The following ZNF91 variants were observed in gnomAD, a reference collection of about 807,000 sequenced individuals.
ZNF91 encodes zinc finger protein 91 (HPF7, HTF10).
A neutral mutation model predicts 12.6 loss-of-function variants in ZNF91; 7 were observed. The ratio of observed to expected loss-of-function variants is 0.55; its 90% CI spans 0.31 to 1.04. ZNF91 has a LOEUF of 1.04. Ranked by LOEUF, ZNF91 falls within the 50% of genes least tolerant of loss-of-function variation. ZNF91 has a pLI of 0.05. For missense variants in ZNF91, 1,217 were observed against 1,385.4 expected, an observed-to-expected ratio of 0.88 and a Z score of 1.93; for synonymous variants, 453 against 462.6, an observed-to-expected ratio of 0.98 and a Z score of 0.27.
rs772599855 is a variant in ZNF91, at chr19:23,362,346, T to C, written c.633A>G (p.Lys211=). 3 of 1,613,464 alleles carry C rather than the reference T, an allele frequency of 1.9e-6. No individual in the cohort carries two copies. Among genetic ancestry groups the C allele is most frequent in the Non-Finnish European group, 1.7e-6 (2 of 1,179,808 alleles). The stretch of plus-strand genomic sequence containing the variant: ...GAAAGGTTTTTTCACATTCTTTACA[T>C]TTACAGGACTTCTCTGTAATATAAA... ...KCVYITEKSC[K]CKECEKTFHW... is the part of the protein sequence containing the mutation. Residue 211 remains lysine (K), a synonymous_variant, in exon 4 of 4, where the codon AAA becomes AAG. Coordinates refer to ENST00000300619, the MANE Select transcript of ZNF91 (RefSeq NM_003430.4).
At chr19:23,328,325 G>C (rs1967872381) in intron 1 of ZNF91, 2 of 152,158 alleles carry the variant, frequency 1.3e-5, no homozygotes, top group Admixed American at 1.3e-4. Flanking sequence ...CCAGGATGCA[G>C]GTCAAGGAAG....
intron 3 of ZNF91, among the ~76,000 whole-genome samples, chr19:23,352,389 G>A: frequency 6.6e-6 from 1 of 152,038 alleles, no homozygotes; most frequent in South Asian, 2.1e-4. Context: ...AGCAAGACCT[G>A]CCCAAGAAGA....
chr19:23,389,805 A>C (rs1475136693), intron 1 of ZNF91, among the ~76,000 whole-genome samples: 2 of 152,132 alleles, frequency 1.3e-5, no homozygotes, highest in African/African-American at 4.8e-5. Context: ...CAATTCTGAC[A>C]CCACCCAGAG....
intron 3 of ZNF91, among the ~76,000 whole-genome samples, chr19:23,370,261 C>T (rs937241326): frequency 4.6e-5 from 7 of 151,632 alleles, no homozygotes; most frequent in Non-Finnish European, 1.0e-4. Context: ...TAAAGATACA[C>T]TTTGAGATTA....
At chr19:23,368,979 A>T (rs539106832) in intron 3 of ZNF91, among the ~76,000 whole-genome samples, 1 of 152,226 alleles carries the variant, frequency 6.6e-6, no homozygotes, top group South Asian at 2.1e-4. Context: ...GTCACTATCC[A>T]TTTTTTAAAA....
At chr19:23,383,966 C>T (rs890294243) in intron 1 of ZNF91, among the ~76,000 whole-genome samples, 4 of 152,022 alleles carry the variant, frequency 2.6e-5, no homozygotes, top group Non-Finnish European at 5.9e-5. Context: ...AAAAATTAGC[C>T]AAGCGTGGTG....
At chr19:23,306,847 G>A (rs1473728796) in intron 3 of ZNF91, 1 of 152,094 alleles carries the variant, frequency 6.6e-6, no homozygotes, top group East Asian at 1.9e-4. Flanking sequence ...CTGGAGTGCA[G>A]TGGCGTGATC....
At chr19:23,323,290 CCCT>C (rs766306382) in intron 1 of ZNF91, among the ~76,000 whole-genome samples, 1 of 145,958 alleles carries the variant, frequency 6.9e-6, no homozygotes, top group African/African-American at 2.5e-5. Context: ...TCTCCTCCTC[CCCT>C]CCTTCTCTTC....
chr19:23,335,654 G>T (rs11882277), downstream of ZNF91, among the ~76,000 whole-genome samples: 4 of 152,206 alleles, frequency 2.6e-5, no homozygotes, highest in Admixed American at 2.6e-4. Flanking sequence ...CTGGTGTGCC[G>T]TTTGCTAAGA....
intron 1 of ZNF91, among the ~76,000 whole-genome samples, chr19:23,333,286 T>C (rs1435534235): frequency 6.6e-6 from 1 of 152,218 alleles, no homozygotes; most frequent in Non-Finnish European, 1.5e-5. Context: ...AATAGGTTAT[T>C]GTTACTTTAC....
downstream of ZNF91, chr19:23,338,519 T>A (rs1031335305): frequency 2.0e-5 from 3 of 151,978 alleles, no homozygotes; most frequent in African/African-American, 7.2e-5. Flanking sequence ...TTAAAAAAAA[T>A]TCTAATATAA....
In ZNF91 at chr19:23,360,729, T is replaced by A. The variant is rs878973248; in HGVS notation, c.2250A>T (p.Ala750=). ...KPYKCEECGK[A]FNWSSSLTKH... Reference sequence around the variant, plus strand: ...TAGTAAGGCTTGAGGACCAGTTAAATGCTTTGCCACATTCTTCACACTTGT... The same window carrying A: ...TAGTAAGGCTTGAGGACCAGTTAAAAGCTTTGCCACATTCTTCACACTTGT... Residue 750 remains alanine, a synonymous_variant, in exon 4 of 4, where the codon GCA becomes GCT. Coordinates refer to ENST00000300619, the MANE Select transcript of ZNF91 (RefSeq NM_003430.4). 1 of 1,612,030 alleles carries A rather than the reference T, an allele frequency of 6.2e-7. No homozygotes were observed. Among genetic ancestry groups the A allele is most frequent in the Admixed American group, 1.7e-5 (1 of 59,844 alleles).
rs752956022 is a variant in ZNF91 at position 23,361,299 on chromosome 19, G to A, written c.1680C>T (p.Thr560=). 2.5e-6 allele frequency: 4 copies of A among 1,612,320 alleles called. No individual in the cohort carries two copies. The Admixed American group carries it at 6.7e-5, about 27-fold the overall frequency. ...CATGAATTATTTTATGTGTAGTAAGGGTTGAGAATTGCTTAAAAGCTTTGC... is the reference window on the plus strand; with the variant it reads ...CATGAATTATTTTATGTGTAGTAAGAGTTGAGAATTGCTTAAAAGCTTTGC... ...ECGKAFKQFS[T]LTTHKIIHAG... The change falls in exon 4 of 4, where the codon ACC becomes ACT. Residue 560 remains threonine (T), a synonymous_variant. Coordinates refer to ENST00000300619, the MANE Select transcript of ZNF91 (RefSeq NM_003430.4).
At chr19:23,335,669 T>C (rs1054577027), downstream of ZNF91, among the ~76,000 whole-genome samples, 1 of 152,176 alleles carries the variant, frequency 6.6e-6, no homozygotes, top group Non-Finnish European at 1.5e-5. Flanking sequence ...CTAAGACCGT[T>C]GGAAAAGTGT....
chr19:23,374,367 C>A (rs1969418218), intron 2 of ZNF91, among the ~76,000 whole-genome samples: 2 of 147,636 alleles, frequency 1.4e-5, no homozygotes, highest in Admixed American at 1.4e-4. Flanking sequence ...CACAGTGAAA[C>A]CCCGTCTCTA....
At chr19:23,394,542 C>A (rs1435395246) in intron 1 of ZNF91, among the ~76,000 whole-genome samples, 1 of 151,960 alleles carries the variant, frequency 6.6e-6, no homozygotes, top group Admixed American at 6.6e-5. Context: ...ACCAGCCTGG[C>A]CAACAAGGTG....
chr19:23,370,959 A>C (rs563258401), intron 3 of ZNF91, among the ~76,000 whole-genome samples: 2 of 152,348 alleles, frequency 1.3e-5, no homozygotes, highest in African/African-American at 4.8e-5. Context: ...TTTCACACAA[A>C]GGAAATACAT....
chr19:23,392,998 T>C (rs1262693728), intron 1 of ZNF91, among the ~76,000 whole-genome samples: 2 of 152,148 alleles, frequency 1.3e-5, no homozygotes, highest in Non-Finnish European at 2.9e-5. Flanking sequence ...TCAGGCACAT[T>C]ATACTCTGCA....
downstream of ZNF91, among the ~76,000 whole-genome samples, chr19:23,353,159 C>G (rs1164166866): frequency 6.6e-6 from 1 of 152,142 alleles, no homozygotes. Context: ...AACACACATT[C>G]TACTCAACAG....
Sources: allele counts gnomAD v4.1 joint callset (sites outside exome capture counted in the v4.1 genomes callset), GRCh38; gene constraint gnomAD v4.1.1; transcripts MANE v1.5; gene names NCBI Gene and HGNC (gene_info 2026-07-23, HGNC 2026-07-21).